NCOA1: variants seen among roughly 807,000 people sequenced by gnomAD.
The protein encoded by NCOA1 is Hin-2 protein.
Under a neutral mutation model 150.9 loss-of-function variants are expected in NCOA1, and 35 were observed. The ratio of observed to expected loss-of-function variants is 0.23; its 90% confidence interval spans 0.18 to 0.31. The LOEUF (loss-of-function observed/expected upper bound fraction) is 0.31, where lower values mean the gene tolerates loss of function less well. Among genes scored for constraint, NCOA1 ranks in the 10% least tolerant of loss-of-function variants. The pLI, the probability that NCOA1 is intolerant of heterozygous loss-of-function variation, is 1.00. For missense variants in NCOA1, 1,491 were observed against 1,749.3 expected (o/e 0.85, Z 2.63); for synonymous variants, 590 against 630.0 (o/e 0.94, Z 0.95).
rs149466455 is a variant in NCOA1 at position 24,734,781 on chromosome 2, G to A, written c.3202-4651G>A. Among the ~76,000 whole-genome samples, 3 of 151,652 alleles carry A rather than the reference G, an allele frequency of 2.0e-5. No homozygotes were observed. In the East Asian group the frequency reaches 5.9e-4, roughly 30 times the overall value. Reference sequence around the variant, plus strand: ...GATTGTGCTACTCACTCCAGCCTGGGTGGCAGAGCAAGACCTTGTCTCTAA... The same window carrying A: ...GATTGTGCTACTCACTCCAGCCTGGATGGCAGAGCAAGACCTTGTCTCTAA... On this transcript the variant is annotated intron_variant, in intron 17 of 22. Coordinates refer to ENST00000348332, the MANE Select transcript of NCOA1 (RefSeq NM_003743.5).
intron 3 of NCOA1, among the ~76,000 whole-genome samples, chr2:24,632,070 G>A (rs75908399): frequency 0.023 from 3,396 of 150,924 alleles, 125 homozygotes; most frequent in African/African-American, 0.077. Flanking sequence ...ACTTAGTATT[G>A]TTCACTCTCA....
intron 17 of NCOA1, 91 bp downstream of exon 17, chr2:24,729,906 T>G (rs1461818882): frequency 2.8e-5 from 38 of 1,377,324 alleles, no homozygotes; most frequent in Non-Finnish European, 3.6e-5. Context: ...TGTGCAGTAG[T>G]GCTATCTCAG....
chr2:24,627,619 C>T (rs1252578252), intron 3 of NCOA1, among the ~76,000 whole-genome samples: 1 of 152,202 alleles, frequency 6.6e-6, no homozygotes, highest in African/African-American at 2.4e-5. Flanking sequence ...AGAATGCCAT[C>T]TTCTAACACA....
intron 11 of NCOA1, among the ~76,000 whole-genome samples, chr2:24,698,361 C>A (rs1672998333): frequency 6.6e-6 from 1 of 151,938 alleles, no homozygotes; most frequent in African/African-American, 2.4e-5. Flanking sequence ...TGCCTGTTTA[C>A]TTCATGACTG....
Position 24,729,504 on chromosome 2 carries a change from G to A in NCOA1, c.2890G>A (p.Gly964Ser), listed in dbSNP as rs1054148554. Residue 964 changes from glycine (G) to serine (S), a missense_variant, in exon 17 of 23, where the codon GGT (glycine) becomes AGT (serine). Physicochemically the swap from Gly to Ser is moderately conservative, Grantham distance 56 (BLOSUM62 0). Around this residue, in one of 8 missense-constraint regions of NCOA1, gnomAD observed 485 missense variants for 522.8 expected, o/e 0.93. Transcript: ENST00000348332. ...ATTCTGGCTTCTTTTCTAACAGGGG[G>A]GTGGATTAGATGTATTATCAGAGAG... Reference protein sequence around the residue: ...ALGIDKLVQGGGLDVLSERFP... With the variant: ...ALGIDKLVQGSGLDVLSERFP... 1.2e-6 allele frequency: 2 copies of A among 1,610,986 alleles called. No individual in the cohort carries two copies. Among genetic ancestry groups the A allele is most frequent in the African/African-American group, 2.7e-5 (2 of 74,906 alleles).
At chr2:24,640,453 A>G (rs1480916022) in intron 3 of NCOA1, among the ~76,000 whole-genome samples, 7 of 152,054 alleles carry the variant, frequency 4.6e-5, no homozygotes, top group South Asian at 4.1e-4. Context: ...AGATTTTTCT[A>G]TTTCTCTTTT....
At chr2:24,561,198 A>G (rs905338364) in intron 1 of NCOA1, among the ~76,000 whole-genome samples, 1 of 152,188 alleles carries the variant, frequency 6.6e-6, no homozygotes, top group Non-Finnish European at 1.5e-5. Context: ...CTGGAAGAAT[A>G]TATAAGAAAC....
At chr2:24,665,267 T>C (rs1366283153) in intron 5 of NCOA1, among the ~76,000 whole-genome samples, 2 of 152,218 alleles carry the variant, frequency 1.3e-5, no homozygotes, top group South Asian at 2.1e-4. Context: ...GATCAACTAA[T>C]GGTTTAATCA....
At chr2:24,673,136 T>C (rs1365756474) in intron 6 of NCOA1, among the ~76,000 whole-genome samples, 1 of 152,242 alleles carries the variant, frequency 6.6e-6, no homozygotes, top group Non-Finnish European at 1.5e-5. Context: ...ATTCAAATGT[T>C]CATGCTACCA....
chr2:24,729,653 G>T lies in NCOA1; in HGVS notation c.3039G>T (p.Arg1013Ser). The T allele has an allele frequency of 6.2e-7, 1 of 1,614,042 alleles. No homozygotes were observed. Among genetic ancestry groups the T allele is most frequent in the African/African-American group, 1.3e-5 (1 of 74,958 alleles). ...NLPSPFQGMV[R>S]QKPSLGTMPV... ...CTAGCCCTTTCCAAGGCATGGTCAG[G>T]CAAAAACCTTCACTGGGGACGATGC... Residue 1013 changes from arginine (R) to serine (S), a missense_variant, in exon 17 of 23, where the codon AGG (arginine) becomes AGT (serine). This residue lies in a region of NCOA1 where 485 missense variants were observed against 522.8 expected (regional missense o/e 0.93). Coordinates refer to ENST00000348332, the MANE Select transcript of NCOA1 (RefSeq NM_003743.5).
intron 8 of NCOA1, among the ~76,000 whole-genome samples, chr2:24,683,878 A>C (rs957256614): frequency 1.3e-5 from 2 of 152,216 alleles, no homozygotes; most frequent in African/African-American, 4.8e-5. Flanking sequence ...GAAAGTTTTC[A>C]TATTACATTT....
chr2:24,751,115 G>T (rs533457746), intron 19 of NCOA1, among the ~76,000 whole-genome samples: 2 of 150,872 alleles, frequency 1.3e-5, no homozygotes, highest in South Asian at 4.2e-4. Flanking sequence ...AGCCTTCCAA[G>T]TAGCTGAGAT....
intron 7 of NCOA1, among the ~76,000 whole-genome samples, chr2:24,674,980 C>T (rs1425812328): frequency 6.6e-6 from 1 of 152,212 alleles, no homozygotes; most frequent in African/African-American, 2.4e-5. Flanking sequence ...CACTCATTCC[C>T]ACTACCTTAC....
chr2:24,729,756 C>G lies in NCOA1; in HGVS notation c.3142C>G (p.Pro1048Ala). ...GCCCAGGCAAACTCTAAACAGACCT[C>G]CGGCTGCACCTAACCAGCTTCGACT... ...MQPRQTLNRP[P>A]AAPNQLRLQL... is the part of the protein sequence containing the mutation. Residue 1048 changes from proline (P) to alanine (A), a missense_variant, in exon 17 of 23, where the codon CCG becomes GCG. Pro to Ala is a conservative substitution (Grantham distance 27). This residue lies in a region of NCOA1 where 485 missense variants were observed against 522.8 expected (regional missense o/e 0.93). Coordinates refer to ENST00000348332, the MANE Select transcript of NCOA1 (RefSeq NM_003743.5). 2 of 1,614,242 alleles carry G rather than the reference C, an allele frequency of 1.2e-6. No homozygotes were observed. The highest frequency in any genetic ancestry group is 1.7e-6 in the Non-Finnish European group (2 of 1,180,034).
rs528103234 is a variant in NCOA1 at position 24,719,372 on chromosome 2, G to T, written c.2600-7217G>T. ...TCTTGATTTGAGTGGAAAGTCCTGG[G>T]TTTATACCTTTCTCAAAATTTGTTG... On this transcript the variant is annotated intron_variant, in intron 14 of 22. Coordinates refer to ENST00000348332, the MANE Select transcript of NCOA1 (RefSeq NM_003743.5). Among the ~76,000 whole-genome samples the T allele has an allele frequency of 1.3e-4, 20 of 152,228 alleles. No individual in the cohort carries two copies. In the South Asian group the frequency reaches 3.9e-3, roughly 30 times the overall value.
At chr2:24,550,448 A>G (rs567107385) in intron 1 of NCOA1, among the ~76,000 whole-genome samples, 1 of 152,192 alleles carries the variant, frequency 6.6e-6, no homozygotes. Context: ...TCTTACATGG[A>G]TGGCAGCAGG....
chr2:24,745,103 A>G (rs1453987828), intron 19 of NCOA1, among the ~76,000 whole-genome samples: 1 of 151,864 alleles, frequency 6.6e-6, no homozygotes, highest in African/African-American at 2.4e-5. Flanking sequence ...CTACCATGCT[A>G]TGATAATGAG....
chr2:24,603,983 A>C (rs11684913), intron 3 of NCOA1, among the ~76,000 whole-genome samples: 29,330 of 152,204 alleles, frequency 0.19, 2,997 homozygotes, highest in Non-Finnish European at 0.23. Context: ...AAAATTACTC[A>C]TTGATCCATG....
intron 6 of NCOA1, among the ~76,000 whole-genome samples, chr2:24,667,795 C>G (rs1222922492): frequency 6.6e-6 from 1 of 152,128 alleles, no homozygotes; most frequent in African/African-American, 2.4e-5. Context: ...TCTAGATATC[C>G]ACATGCTTTA....
Sources: allele counts gnomAD v4.1 joint callset (sites outside exome capture counted in the v4.1 genomes callset), GRCh38; gene constraint gnomAD v4.1.1; regional missense constraint gnomAD v4.1.1; transcripts MANE v1.5; gene names NCBI Gene and HGNC (gene_info 2026-07-23, HGNC 2026-07-21).